The following PCDH7 variants were observed in gnomAD, a reference collection of about 807,000 sequenced individuals.
The protein encoded by PCDH7 is protocadherin 7.
PCDH7 carries 17 observed loss-of-function variants against 58.9 expected under a neutral mutation model. The ratio of observed to expected loss-of-function variants is 0.29; its 90% CI spans 0.20 to 0.43. The LOEUF (loss-of-function observed/expected upper bound fraction) is 0.43. PCDH7 is among the 20% of genes least tolerant of loss of function. PCDH7 has a pLI of 1.00. For missense variants in PCDH7, 1,274 were observed against 1,441.0 expected, an observed-to-expected ratio of 0.88 and a Z score of 1.88; for synonymous variants, 664 against 616.4, an observed-to-expected ratio of 1.08 and a Z score of -1.14.
chr4:31,109,442 AT>A (rs1716010462), intron 3 of PCDH7, among the ~76,000 whole-genome samples: 1 of 152,226 alleles, frequency 6.6e-6, no homozygotes, highest in South Asian at 2.1e-4. Flanking sequence ...AAATAGTCAA[AT>A]TATAAGATTG....
chr4:31,020,339 T>A (rs1753925911), intron 3 of PCDH7, among the ~76,000 whole-genome samples: 1 of 152,236 alleles, frequency 6.6e-6, no homozygotes, highest in Non-Finnish European at 1.5e-5. Context: ...TACAGGTACG[T>A]GAGATTCTCT....
chr4:30,785,422 G>C (rs1287052482), intron 1 of PCDH7, among the ~76,000 whole-genome samples: 2 of 151,920 alleles, frequency 1.3e-5, no homozygotes, highest in African/African-American at 4.8e-5. Context: ...AATGTGTTTT[G>C]CTTTATGTAA....
chr4:30,901,332 T>G (rs1377840881), intron 1 of PCDH7, among the ~76,000 whole-genome samples: 1 of 152,134 alleles, frequency 6.6e-6, no homozygotes, highest in African/African-American at 2.4e-5. Context: ...CCAATCCTAC[T>G]TAGTTTATAA....
chr4:30,782,118 TA>T (rs1237972843), intron 1 of PCDH7, among the ~76,000 whole-genome samples: 2 of 152,148 alleles, frequency 1.3e-5, no homozygotes, highest in African/African-American at 4.8e-5. Flanking sequence ...TGAATTTAAA[TA>T]ATCATGATAG....
At chr4:30,726,644 A>G (rs541151515) in intron 1 of PCDH7, among the ~76,000 whole-genome samples, 1 of 152,108 alleles carries the variant, frequency 6.6e-6, no homozygotes, top group East Asian at 1.9e-4. Context: ...AAAACCCTCA[A>G]AGCAATTGGA....
At chr4:30,833,532 G>A (rs919764958) in intron 1 of PCDH7, among the ~76,000 whole-genome samples, 2 of 152,116 alleles carry the variant, frequency 1.3e-5, no homozygotes, top group Admixed American at 6.5e-5. Flanking sequence ...CATCTGGTTA[G>A]CATCCTTAAT....
exon 2 of PCDH7, chr4:30,730,865 C>T (rs567372657): frequency 2.0e-6 from 3 of 1,500,714 alleles, no homozygotes; most frequent in Non-Finnish European, 1.8e-6. Context: ...TGGAGCCTGC[C>T]CTTGGCCGTG....
Position 31,106,582 on chromosome 4 carries a change from C to G in PCDH7, c.*8-35891C>G, listed in dbSNP as rs563449403. Among the ~76,000 whole-genome samples the G allele has an allele frequency of 5.9e-5, 9 of 152,334 alleles. No individual in the cohort carries two copies. In the East Asian group the frequency reaches 1.7e-3, roughly 29 times the overall value. ...ATTGGGTTCTGGGCTAAAAGTGGAT[C>G]TGCCTTTAGGCAGAAGTATGAATGT... On this transcript the variant is annotated intron_variant, in intron 3 of 3. Coordinates refer to the PCDH7 transcript ENST00000509759.
intron 3 of PCDH7, among the ~76,000 whole-genome samples, chr4:30,984,195 G>T (rs912429646): frequency 6.6e-6 from 1 of 152,068 alleles, no homozygotes; most frequent in African/African-American, 2.4e-5. Context: ...CCAGAGGAGG[G>T]GTTCATATGC....
intron 3 of PCDH7, among the ~76,000 whole-genome samples, chr4:31,123,399 C>T (rs1022131668): frequency 4.6e-5 from 7 of 151,964 alleles, no homozygotes; most frequent in African/African-American, 1.7e-4. Flanking sequence ...ATCACTTGAC[C>T]CCCTTGGACT....
At chr4:30,773,490 T>C (rs1172126922) in intron 1 of PCDH7, among the ~76,000 whole-genome samples, 1 of 152,132 alleles carries the variant, frequency 6.6e-6, no homozygotes, top group Non-Finnish European at 1.5e-5. Context: ...CCTTCTATTT[T>C]TTTTTTCTTT....
chr4:30,786,257 T>C (rs1723377754), intron 1 of PCDH7, among the ~76,000 whole-genome samples: 2 of 152,050 alleles, frequency 1.3e-5, no homozygotes, highest in Non-Finnish European at 2.9e-5. Context: ...TAGAGCTACT[T>C]GGAAGGGTGT....
At position 31,135,175 on chromosome 4, in the gene PCDH7, A is replaced by G. The variant is rs367750257; in HGVS notation, c.*8-7298A>G. 1.2e-4 allele frequency among the ~76,000 whole-genome samples: 19 copies of G among 152,296 alleles called. No homozygotes were observed. In the East Asian group the frequency reaches 3.7e-3, roughly 29 times the overall value. On this transcript the variant is annotated intron_variant, in intron 3 of 3. Transcript: ENST00000509759. ...TTTTCAATTTCTCATTCTTAAAATA[A>G]TGTATTGCTAATTTTGACCCATCTT...
intron 3 of PCDH7, among the ~76,000 whole-genome samples, chr4:31,104,917 T>C (rs1474071489): frequency 6.6e-6 from 1 of 152,178 alleles, no homozygotes; most frequent in East Asian, 1.9e-4. Flanking sequence ...TTGGCTGGTA[T>C]AGGTGGTAAA....
chr4:30,811,526 T>C (rs374315648), intron 1 of PCDH7, among the ~76,000 whole-genome samples: 1 of 152,178 alleles, frequency 6.6e-6, no homozygotes, highest in African/African-American at 2.4e-5. Flanking sequence ...GTGGAATCTA[T>C]TTGACTCTGA....
At chr4:30,974,039 A>C (rs983140814) in intron 3 of PCDH7, among the ~76,000 whole-genome samples, 4 of 151,742 alleles carry the variant, frequency 2.6e-5, no homozygotes, top group African/African-American at 7.3e-5. Flanking sequence ...TCTAGCTCAA[A>C]TCTTCTCTAG....
At chr4:30,985,363 T>C (rs61792881) in intron 3 of PCDH7, among the ~76,000 whole-genome samples, 6,901 of 152,304 alleles carry the variant, frequency 0.045, 212 homozygotes, top group South Asian at 0.086. Flanking sequence ...GGAAACATTA[T>C]AGACTATTAC....
chr4:31,056,506 AAAGAAAGAAAGG>A (rs879777487), intron 3 of PCDH7, among the ~76,000 whole-genome samples: 5,282 of 121,784 alleles, frequency 0.043, 347 homozygotes, highest in East Asian at 0.12. Flanking sequence ...AGAAAGAAAG[AAAGAAAGAAAGG>A]GGAAGGGAAG....
At chr4:31,105,340 T>G (rs1002286904) in intron 3 of PCDH7, among the ~76,000 whole-genome samples, 7 of 152,166 alleles carry the variant, frequency 4.6e-5, no homozygotes, top group Non-Finnish European at 7.3e-5. Flanking sequence ...ATAATGCATG[T>G]GAATGAATCA....
Sources: allele counts gnomAD v4.1 joint callset (sites outside exome capture counted in the v4.1 genomes callset), GRCh38; gene constraint gnomAD v4.1.1; transcripts MANE v1.5; gene names NCBI Gene and HGNC (gene_info 2026-07-23, HGNC 2026-07-21).